Variants in PYGO1 observed in about 807,000 individuals in gnomAD.
The protein encoded by PYGO1 is pygopus homolog 1.
PYGO1 carries 6 observed loss-of-function variants against 29.5 expected under a neutral mutation model. The ratio of observed to expected loss-of-function variants is 0.20; its 90% CI spans 0.11 to 0.40. The LOEUF (loss-of-function observed/expected upper bound fraction) is 0.40. Ranked by LOEUF, PYGO1 falls within the 10% of genes least tolerant of loss-of-function variation. The pLI is 1.00. For missense variants in PYGO1, 515 were observed against 514.9 expected (o/e 1.00, Z 0.00); for synonymous variants, 186 against 180.5 (o/e 1.03, Z -0.24).
At chr15:55,574,340 T>C (rs904230024) in intron 1 of PYGO1, among the ~76,000 whole-genome samples, 2 of 152,236 alleles carry the variant, frequency 1.3e-5, no homozygotes, top group Non-Finnish European at 2.9e-5. Context: ...TATGCAGTTA[T>C]GATTTAATAC....
upstream of PYGO1, among the ~76,000 whole-genome samples, chr15:55,588,351 C>A (rs1323952788): frequency 1.3e-5 from 2 of 148,692 alleles, no homozygotes; most frequent in Admixed American, 6.7e-5. Context: ...GACACAAAAG[C>A]CCCCAGACTG....
intron 1 of PYGO1, among the ~76,000 whole-genome samples, chr15:55,563,780 T>C (rs1190994876): frequency 6.6e-6 from 1 of 152,088 alleles, no homozygotes; most frequent in East Asian, 1.9e-4. Context: ...TTTCTCCAAA[T>C]AAAATACACA....
At chr15:55,572,420 T>C (rs1454982403) in intron 1 of PYGO1, among the ~76,000 whole-genome samples, 1 of 152,096 alleles carries the variant, frequency 6.6e-6, no homozygotes, top group Non-Finnish European at 1.5e-5. Flanking sequence ...GGACTAAAGA[T>C]TTAAATGTAA....
rs2058835393 is a variant in PYGO1, at chr15:55,543,145, G to A, written c.*2878C>T. On this transcript the variant is annotated 3_prime_UTR_variant, in exon 3 of 3. Transcript: ENST00000563719. ...AAGGAAAGGGATTATACCAAAAAAG[G>A]TACAATTCCACCTGTGTTTTTTTCC... The A allele has an allele frequency of 6.6e-6, 1 of 151,652 alleles. No individual in the cohort carries two copies. Among genetic ancestry groups the A allele is most frequent in the Non-Finnish European group, 1.5e-5 (1 of 67,938 alleles). 9.4% of individuals were successfully genotyped at this position (151,652 alleles called of 1,614,324 possible). A position where few individuals can be genotyped will look rare whatever the true frequency, so the allele number is the denominator to read the frequency against.
intron 1 of PYGO1, among the ~76,000 whole-genome samples, chr15:55,553,494 C>T (rs1286052403): frequency 6.6e-6 from 1 of 151,886 alleles, no homozygotes; most frequent in African/African-American, 2.4e-5. Context: ...CTCCTGGGCT[C>T]AAGCGATCCT....
rs146949621 is a variant in PYGO1, at chr15:55,579,541, G to T, written c.49+8294C>A. ...TTCTTTTTTATTTTATAAGCGACTG[G>T]GTCTTGCTCTGTCACCCAGGCTGGA... On this transcript the variant is annotated intron_variant, in intron 1 of 2. Coordinates refer to ENST00000563719, the MANE Select transcript of PYGO1 (RefSeq NM_001367806.1). Among the ~76,000 whole-genome samples the T allele has an allele frequency of 4.9e-3, 746 of 151,956 alleles. 11 individuals are homozygous for T. Among genetic ancestry groups the T allele is most frequent in the African/African-American group, 0.017 (706 of 41,448 alleles).
intron 1 of PYGO1, among the ~76,000 whole-genome samples, chr15:55,568,306 G>T (rs180672648): frequency 1.4e-5 from 2 of 140,964 alleles, no homozygotes; most frequent in African/African-American, 5.4e-5. Context: ...TGGTTAAGAC[G>T]TATTTCCTAG....
intron 1 of PYGO1, among the ~76,000 whole-genome samples, chr15:55,569,870 T>C (rs2058973428): frequency 6.6e-6 from 1 of 152,196 alleles, no homozygotes; most frequent in African/African-American, 2.4e-5. Flanking sequence ...AAAATGCCTA[T>C]ATAGCTGCAC....
chr15:55,581,251 T>A (rs1320949273), intron 1 of PYGO1, among the ~76,000 whole-genome samples: 1 of 152,106 alleles, frequency 6.6e-6, no homozygotes, highest in Non-Finnish European at 1.5e-5. Context: ...AAAGAGGGCA[T>A]GTTTAGCAGA....
At chr15:55,580,024 A>G (rs1266981865) in intron 1 of PYGO1, among the ~76,000 whole-genome samples, 1 of 152,130 alleles carries the variant, frequency 6.6e-6, no homozygotes, top group Non-Finnish European at 1.5e-5. Flanking sequence ...ACTGAGGTCC[A>G]TGGGGTTTAA....
At chr15:55,562,925 C>G (rs2058939265) in intron 1 of PYGO1, among the ~76,000 whole-genome samples, 7 of 151,924 alleles carry the variant, frequency 4.6e-5, no homozygotes. Context: ...TTCTCACTTA[C>G]AAGTGGGAGC....
intron 1 of PYGO1, among the ~76,000 whole-genome samples, chr15:55,561,888 A>G (rs529395311): frequency 6.6e-6 from 1 of 152,338 alleles, no homozygotes; most frequent in East Asian, 1.9e-4. Context: ...CTGCACAGCA[A>G]AAGAAACTAT....
At chr15:55,569,702 T>C (rs966657557) in intron 1 of PYGO1, among the ~76,000 whole-genome samples, 2 of 152,212 alleles carry the variant, frequency 1.3e-5, no homozygotes, top group Non-Finnish European at 1.5e-5. Context: ...TGAGACTTGC[T>C]TTACAGCCAA....
intron 1 of PYGO1, among the ~76,000 whole-genome samples, chr15:55,587,195 T>C (rs1351868276): frequency 1.3e-5 from 2 of 152,190 alleles, no homozygotes; most frequent in African/African-American, 2.4e-5. Flanking sequence ...TCTTAGATGA[T>C]AGTAACACGA....
intron 1 of PYGO1, among the ~76,000 whole-genome samples, chr15:55,559,273 C>T (rs1020690697): frequency 1.4e-3 from 215 of 152,188 alleles, no homozygotes; most frequent in Non-Finnish European, 1.6e-3. Context: ...ATCAAAACCA[C>T]AATGAGATAC....
intron 1 of PYGO1, among the ~76,000 whole-genome samples, chr15:55,553,872 T>C (rs2141651651): frequency 6.6e-6 from 1 of 152,174 alleles, no homozygotes; most frequent in South Asian, 2.1e-4. Flanking sequence ...TATCTCCAGG[T>C]ACAGGAAAAA....
intron 1 of PYGO1, among the ~76,000 whole-genome samples, chr15:55,559,306 C>T (rs1246997016): frequency 3.3e-5 from 5 of 151,892 alleles, no homozygotes; most frequent in African/African-American, 9.7e-5. Context: ...GTTAGAATGG[C>T]GATCATTAAA....
chr15:55,588,926 T>G (rs2059062775), upstream of PYGO1: 1 of 1,392,894 alleles, frequency 7.2e-7, no homozygotes, highest in Admixed American at 1.7e-5. Context: ...ATGCCTCCAC[T>G]TGGTATTTTA....
At chr15:55,586,241 T>C (rs1019845176) in intron 1 of PYGO1, among the ~76,000 whole-genome samples, 1 of 152,232 alleles carries the variant, frequency 6.6e-6, no homozygotes, top group Non-Finnish European at 1.5e-5. Flanking sequence ...TTTGGATGAC[T>C]ATTGCAATCA....
Sources: allele counts gnomAD v4.1 joint callset (sites outside exome capture counted in the v4.1 genomes callset), GRCh38; gene constraint gnomAD v4.1.1; transcripts MANE v1.5; gene names NCBI Gene and HGNC (gene_info 2026-07-23, HGNC 2026-07-21).